The following NTN1 variants were observed in gnomAD, a reference collection of about 807,000 sequenced individuals.
The protein encoded by NTN1 is netrin 1.
Under a neutral mutation model 54.2 loss-of-function variants are expected in NTN1, and 11 were observed. The ratio of observed to expected loss-of-function variants is 0.20; its 90% CI spans 0.13 to 0.34. The LOEUF is 0.34. Among genes scored for constraint, NTN1 ranks in the 10% least tolerant of loss-of-function variants. NTN1 has a pLI of 1.00. For missense variants in NTN1, 740 were observed against 893.1 expected (o/e 0.83, Z 2.18); for synonymous variants, 371 against 382.0 (o/e 0.97, Z 0.33).
At chr17:9,142,304 AAAAG>A (rs1291360891) in intron 2 of NTN1, among the ~76,000 whole-genome samples, 2 of 150,726 alleles carry the variant, frequency 1.3e-5, no homozygotes, top group Non-Finnish European at 3.0e-5. Context: ...GAAAAAAAAA[AAAAG>A]AAAAAAACCA....
chr17:9,116,060 G>A (rs1029551283), intron 2 of NTN1, among the ~76,000 whole-genome samples: 6 of 152,232 alleles, frequency 3.9e-5, no homozygotes, highest in Admixed American at 1.3e-4. Flanking sequence ...CCAGAAAGCC[G>A]CCTGTGGGTG....
intron 2 of NTN1, among the ~76,000 whole-genome samples, chr17:9,097,274 A>G (rs2092134930): frequency 6.6e-6 from 1 of 152,210 alleles, no homozygotes; most frequent in Admixed American, 6.5e-5. Context: ...TGGAAAATGT[A>G]ACATTTTGTG....
intron 6 of NTN1, among the ~76,000 whole-genome samples, chr17:9,227,468 A>T (rs1247807316): frequency 7.4e-6 from 1 of 135,986 alleles, no homozygotes; most frequent in East Asian, 2.1e-4. Flanking sequence ...TGTCACACAC[A>T]GTCACACACA....
intron 2 of NTN1, among the ~76,000 whole-genome samples, chr17:9,144,385 C>T (rs766728730): frequency 6.6e-6 from 1 of 152,096 alleles, no homozygotes; most frequent in Non-Finnish European, 1.5e-5. Flanking sequence ...CCATTACTGT[C>T]CTCATTCCTA....
intron 6 of NTN1, among the ~76,000 whole-genome samples, chr17:9,227,586 G>A (rs976631211): frequency 2.8e-4 from 30 of 108,252 alleles, no homozygotes; most frequent in Non-Finnish European, 3.7e-4. Context: ...CATCACACAC[G>A]CATGCATACA....
At chr17:9,147,858 T>C (rs1410355509) in intron 2 of NTN1, among the ~76,000 whole-genome samples, 1 of 152,228 alleles carries the variant, frequency 6.6e-6, no homozygotes, top group African/African-American at 2.4e-5. Flanking sequence ...TACCTAGTGG[T>C]TTGATTAAAA....
At chr17:9,177,339 C>A (rs1464533237) in intron 3 of NTN1, 1 of 152,214 alleles carries the variant, frequency 6.6e-6, no homozygotes, top group East Asian at 1.9e-4. Flanking sequence ...AACAATGCAC[C>A]ATCCTGACTC....
At chr17:9,094,121 C>T (rs1397940518) in intron 2 of NTN1, among the ~76,000 whole-genome samples, 1 of 152,178 alleles carries the variant, frequency 6.6e-6, no homozygotes, top group Non-Finnish European at 1.5e-5. Context: ...TTTCTACAAA[C>T]AGGATTTTAT....
At chr17:9,059,382 A>T (rs1179287965) in intron 2 of NTN1, among the ~76,000 whole-genome samples, 1 of 152,228 alleles carries the variant, frequency 6.6e-6, no homozygotes, top group Non-Finnish European at 1.5e-5. Context: ...TCATGGCAAC[A>T]TTATTCACAA....
intron 6 of NTN1, among the ~76,000 whole-genome samples, chr17:9,226,418 AGGCGGTCTCG>A (rs1905552013): frequency 5.7e-5 from 8 of 139,906 alleles, no homozygotes; most frequent in Admixed American, 1.4e-4. Context: ...GGCCGTGGGG[AGGCGGTCTCG>A]TGGGGAGGCG....
chr17:9,206,500 C>T (rs983929227), intron 5 of NTN1, among the ~76,000 whole-genome samples: 1 of 152,102 alleles, frequency 6.6e-6, no homozygotes, highest in Admixed American at 6.5e-5. Context: ...TGGGGCGGCT[C>T]AGGTAGAAAA....
chr17:9,143,110 T>C (rs979461015), intron 2 of NTN1, among the ~76,000 whole-genome samples: 3 of 152,124 alleles, frequency 2.0e-5, no homozygotes, highest in Non-Finnish European at 4.4e-5. Flanking sequence ...CTGGTGGTCA[T>C]GGTTTTCTGA....
chr17:9,030,510 G>C (rs528086980), intron 2 of NTN1, among the ~76,000 whole-genome samples: 8 of 152,236 alleles, frequency 5.3e-5, no homozygotes, highest in Non-Finnish European at 1.0e-4. Context: ...ACTTTGGGAG[G>C]CTGAGGCAGG....
chr17:9,223,370 G>A (rs1905429765), intron 6 of NTN1, among the ~76,000 whole-genome samples: 1 of 152,138 alleles, frequency 6.6e-6, no homozygotes, highest in East Asian at 1.9e-4. Flanking sequence ...TGGCCAACAT[G>A]ATGAAACCTG....
chr17:9,121,215 T>C (rs2092230760), intron 2 of NTN1, among the ~76,000 whole-genome samples: 2 of 152,146 alleles, frequency 1.3e-5, no homozygotes, highest in African/African-American at 4.8e-5. Context: ...TCCCAAAGGA[T>C]AGTTTTCTCC....
intron 6 of NTN1, among the ~76,000 whole-genome samples, chr17:9,228,982 CTG>C (rs1202300234): frequency 4.9e-4 from 74 of 150,328 alleles, no homozygotes; most frequent in African/African-American, 1.1e-3. Flanking sequence ...ACGACTGAGA[CTG>C]TGTGTGACTG....
chr17:9,131,156 C>T (rs2092263860), intron 2 of NTN1, among the ~76,000 whole-genome samples: 1 of 152,164 alleles, frequency 6.6e-6, no homozygotes, highest in Non-Finnish European at 1.5e-5. Flanking sequence ...CACATCTTAA[C>T]TTCTTTAAGT....
intron 2 of NTN1, among the ~76,000 whole-genome samples, chr17:9,148,278 C>T (rs924058117): frequency 5.3e-5 from 8 of 152,126 alleles, no homozygotes; most frequent in Admixed American, 3.3e-4. Context: ...AATAAGGGAA[C>T]GACAAGCTGG....
intron 2 of NTN1, among the ~76,000 whole-genome samples, chr17:9,047,942 C>T (rs1040685574): frequency 6.6e-5 from 10 of 151,912 alleles, no homozygotes; most frequent in Non-Finnish European, 8.8e-5. Context: ...GTGATCCACC[C>T]GCCTCGGCCT....
Sources: gnomAD v4.1 joint callset for allele counts (sites outside exome capture counted in the v4.1 genomes callset) on GRCh38, gnomAD v4.1.1 for gene constraint, MANE v1.5 for transcripts, NCBI Gene and HGNC (gene_info 2026-07-23, HGNC 2026-07-21) for gene names.